RELA: variants seen among roughly 807,000 people sequenced by gnomAD.
RELA encodes the protein transcription factor p65.
A neutral mutation model predicts 56.7 loss-of-function variants in RELA; 14 were observed. The ratio of observed to expected loss-of-function variants is 0.25; its 90% CI spans 0.16 to 0.39. The LOEUF is 0.39. RELA is among the 10% of genes least tolerant of loss of function. The pLI is 1.00. For synonymous variants in RELA, 315 were observed against 289.7 expected (o/e 1.09, Z -0.89); for missense variants, 559 against 736.4 (o/e 0.76, Z 2.79).
chr11:65,661,539 G>T, intron 4 of RELA, 148 bp downstream of exon 4: 1 of 679,250 alleles, frequency 1.5e-6, no homozygotes, highest in Non-Finnish European at 2.4e-6. Context: ...ATAATTTCAA[G>T]ACAAAGGCAG....
At chr11:65,660,486 T>G in intron 4 of RELA, 2 of 509,650 alleles carry the variant, frequency 3.9e-6, no homozygotes, top group South Asian at 2.6e-5. Flanking sequence ...GGACACTCAT[T>G]CCCACCTCAA....
At position 65,661,619 on chromosome 11, in the gene RELA, G is replaced by A. The variant is rs973073236; in HGVS notation, c.335+68C>T. The A allele has an allele frequency of 3.5e-6, 5 of 1,437,734 alleles. No individual in the cohort carries two copies. In the South Asian group the frequency reaches 3.9e-5, roughly 11 times the overall value. 89.1% of individuals were successfully genotyped at this position (1,437,734 alleles called of 1,614,324 possible). ...CCTGGGTCCAGAAAGGAGTAACACT[G>A]TAGCGGCTACTTCATAGCCCGCCTC... On this transcript the variant is annotated intron_variant, in intron 4 of 10. Coordinates refer to ENST00000406246, the MANE Select transcript of RELA (RefSeq NM_021975.4).
intron 1 of RELA, chr11:65,662,478 C>G: frequency 2.1e-6 from 1 of 478,984 alleles, no homozygotes; most frequent in Non-Finnish European, 3.6e-6. Flanking sequence ...AGGGAGGGCA[C>G]GCCCCACCTC....
upstream of RELA, chr11:65,662,975 C>T (rs1856613810): frequency 1.8e-6 from 1 of 563,170 alleles, no homozygotes; most frequent in East Asian, 5.5e-5. Flanking sequence ...TGCGCGCTGC[C>T]CCGCCGCCGC....
rs763567315 is a variant in RELA at position 65,654,501 on chromosome 11, G to T, written c.1533C>A (p.Pro511=). The change falls in exon 11 of 11, where the codon CCC becomes CCA. Residue 511 remains proline, a synonymous_variant. Coordinates refer to ENST00000406246, the MANE Select transcript of RELA (RefSeq NM_021975.4). ...CCCCCAGTGGAGCAGGAGCTGGGTC[G>T]GGGGGCCTCTGGGCCCCTGTCACTA... The part of the protein sequence containing the change: ...TRLVTGAQRP[P]DPAPAPLGAP... 1.9e-6 allele frequency: 3 copies of T among 1,602,004 alleles called. No individual in the cohort carries two copies. Among genetic ancestry groups the T allele is most frequent in the Non-Finnish European group, 1.7e-6 (2 of 1,175,644 alleles).
chr11:65,659,357 T>C (rs935851422), intron 6 of RELA, among the ~76,000 whole-genome samples: 3 of 152,136 alleles, frequency 2.0e-5, no homozygotes, highest in African/African-American at 7.2e-5. Context: ...TTCCTGGGAG[T>C]TCATTTCCTA....
chr11:65,656,207 GC>G (rs758105554), intron 8 of RELA, among the ~76,000 whole-genome samples: 11 of 152,162 alleles, frequency 7.2e-5, no homozygotes, highest in Non-Finnish European at 1.0e-4. Context: ...GACCTGGGGG[GC>G]CCCAGCCTCC....
rs754950164 is a variant in RELA at position 65,658,238 on chromosome 11, T to C, written c.877+49A>G. On this transcript the variant is annotated intron_variant, in intron 8 of 10. Coordinates refer to ENST00000406246, the MANE Select transcript of RELA (RefSeq NM_021975.4). The surrounding 1 kb of genome is among the most constrained non-coding windows in gnomAD (Gnocchi z 4.5). The stretch of plus-strand genomic sequence containing the variant: ...CAGACATGCAGTCTTGGCCTCTCTC[T>C]CACGGCACAGAGCCCAGCTGCCCTG... 43 of 1,424,114 alleles carry C rather than the reference T, an allele frequency of 3.0e-5. No homozygotes were observed. In the Admixed American group the frequency reaches 8.4e-4, roughly 28 times the overall value. 88.2% of individuals were successfully genotyped at this position (1,424,114 alleles called of 1,614,324 possible). A position where few individuals can be genotyped will look rare whatever the true frequency, so the allele number is the denominator to read the frequency against.
At chr11:65,655,551 C>T (rs1191108012) in intron 10 of RELA, 137 bp downstream of exon 10, 5 of 794,710 alleles carry the variant, frequency 6.3e-6, no homozygotes, top group Non-Finnish European at 1.0e-5. Context: ...CCCAGGAAGT[C>T]GCTGGTTCCT....
Position 65,658,196 on chromosome 11 carries a change from G to C in RELA, c.877+91C>G. On this transcript the variant is annotated intron_variant, in intron 8 of 10. Transcript: ENST00000406246. This position sits in a 1 kb window ranked among gnomAD's most constrained non-coding sequence, Gnocchi z 4.5. ...TCCCAAGCTCTGACTCCAGCTTCTG[G>C]CCCTCAACCACAGCCCCAGACATGC... 1.1e-6 allele frequency: 1 copy of C among 947,600 alleles called. No homozygotes were observed. The highest frequency in any genetic ancestry group is 1.6e-6 in the Non-Finnish European group (1 of 643,084). 58.7% of individuals were successfully genotyped at this position (947,600 alleles called of 1,614,324 possible).
intron 6 of RELA, 21 bp downstream of exon 6, chr11:65,659,645 T>G: frequency 6.2e-7 from 1 of 1,612,668 alleles, no homozygotes; most frequent in South Asian, 1.1e-5. Context: ...CTCCCCTTCC[T>G]GCGTCTCCCT....
Position 65,654,093 on chromosome 11 carries a change from G to T in RELA, c.*285C>A. The T allele has an allele frequency of 2.1e-6, 1 of 469,376 alleles. No homozygotes were observed. The highest frequency in any genetic ancestry group is 3.9e-6 in the Non-Finnish European group (1 of 256,608). 29.1% of individuals were successfully genotyped at this position (469,376 alleles called of 1,614,324 possible). ...TGGAGGATGGGGATGGGGGACCCCA[G>T]AGTTCCCTACAGAGAAGGGAGCTGA... is the stretch of plus-strand genomic sequence containing the variant. On this transcript the variant is annotated 3_prime_UTR_variant, in exon 11 of 11. Coordinates refer to ENST00000406246, the MANE Select transcript of RELA (RefSeq NM_021975.4).
At chr11:65,660,425 T>A (rs1206904392) in intron 4 of RELA, 1 of 594,582 alleles carries the variant, frequency 1.7e-6, no homozygotes, top group African/African-American at 1.9e-5. Context: ...AGCCTCCCTG[T>A]GGGCTCCCTG....
chr11:65,659,882 G>A lies in RELA; in HGVS notation c.428-85C>T. 7 of 1,497,054 alleles carry A rather than the reference G, an allele frequency of 4.7e-6. 1 individual carries two copies. In the South Asian group the frequency reaches 8.9e-5, roughly 19 times the overall value. The allele number at this position is 1,497,054 out of a possible 1,614,324, so 92.7% of individuals were successfully genotyped here. ...GGGGGCAGGGAGCTCTGCGCTGGGA[G>A]GGCCGCTGGTGCGTGTGTGAAACAC... is the stretch of plus-strand genomic sequence containing the variant. On this transcript the variant is annotated intron_variant, in intron 5 of 10. Coordinates refer to ENST00000406246, the MANE Select transcript of RELA (RefSeq NM_021975.4).
intron 6 of RELA, 112 bp downstream of exon 6, chr11:65,659,554 G>T: frequency 7.4e-7 from 1 of 1,347,914 alleles, no homozygotes; most frequent in Non-Finnish European, 1.0e-6. Flanking sequence ...AGACAAATAC[G>T]CAAGATGATT....
intron 4 of RELA, chr11:65,661,475 A>G: frequency 2.1e-6 from 1 of 475,046 alleles, no homozygotes; most frequent in East Asian, 3.2e-5. Context: ...AGAAGTGATT[A>G]GGGACCCATC....
rs1376292952 is a variant in RELA, at chr11:65,662,076, G to A, written c.47C>T (p.Ala16Val). 6.8e-6 allele frequency: 11 copies of A among 1,610,834 alleles called. No homozygotes were observed. The highest frequency in any genetic ancestry group is 9.3e-6 in the Non-Finnish European group (11 of 1,178,954). Residue 16 changes from alanine (A) to valine (V), a missense_variant, in exon 3 of 11, where the codon GCC becomes GTC. Transcript: ENST00000406246. ...PLIFPAEPAQ[A>V]SGPYVEIIEQ... ...AATGATCTCCACATAGGGGCCAGAG[G>A]CCTGGGCTGGCTCTGCCAGGGGACA...
intron 6 of RELA, 72 bp downstream of exon 6, chr11:65,659,594 A>G: frequency 6.3e-7 from 1 of 1,588,204 alleles, no homozygotes; most frequent in Admixed American, 1.7e-5. Context: ...CTTGCAGGCC[A>G]CACTCACCCC....
At chr11:65,656,304 C>A (rs1856426887) in intron 8 of RELA, among the ~76,000 whole-genome samples, 1 of 152,204 alleles carries the variant, frequency 6.6e-6, no homozygotes, top group South Asian at 2.1e-4. Flanking sequence ...CACTCTGGGG[C>A]AGCTGAGGCA....
Sources: gnomAD v4.1 joint callset for allele counts (sites outside exome capture counted in the v4.1 genomes callset) on GRCh38, gnomAD v4.1.1 for gene constraint, Gnocchi (gnomAD v3.1) non-coding constraint, MANE v1.5 for transcripts, NCBI Gene and HGNC (gene_info 2026-07-23, HGNC 2026-07-21) for gene names.